FAM13C: variants seen among roughly 807,000 people sequenced by gnomAD.
FAM13C encodes family with sequence similarity 13 member C.
Under a neutral mutation model 73.2 loss-of-function variants are expected in FAM13C, and 37 were observed. The observed-to-expected ratio is 0.51, with a 90% CI of 0.39 to 0.67. The LOEUF (loss-of-function observed/expected upper bound fraction) is 0.67. Among genes scored for constraint, FAM13C ranks in the 30% least tolerant of loss-of-function variants. The pLI, the probability that FAM13C is intolerant of heterozygous loss-of-function variation, is 0.00. For missense variants in FAM13C, 589 were observed against 715.6 expected (o/e 0.82, Z 2.02); for synonymous variants, 246 against 260.9 (o/e 0.94, Z 0.55).
intron 3 of FAM13C, among the ~76,000 whole-genome samples, chr10:59,325,170 T>A (rs1336905909): frequency 1.3e-5 from 2 of 152,188 alleles, no homozygotes; most frequent in Non-Finnish European, 2.9e-5. Flanking sequence ...TTGGGTCTTC[T>A]GCTGCAATAT....
chr10:59,306,569 G>C (rs772627119), intron 4 of FAM13C, among the ~76,000 whole-genome samples: 5 of 152,128 alleles, frequency 3.3e-5, no homozygotes, highest in Non-Finnish European at 7.3e-5. Flanking sequence ...AGGGCAAAAG[G>C]GTTGACGTTA....
intron 3 of FAM13C, among the ~76,000 whole-genome samples, chr10:59,350,204 C>T (rs1042245132): frequency 1.3e-5 from 2 of 152,184 alleles, no homozygotes; most frequent in Non-Finnish European, 2.9e-5. Flanking sequence ...GTCCAGGATT[C>T]CAATGCTGTA....
chr10:59,265,335 G>GGGGGA (rs78422182), intron 8 of FAM13C, among the ~76,000 whole-genome samples: 1,377 of 15,972 alleles, frequency 0.086, 371 homozygotes, highest in East Asian at 0.15. Context: ...GGGGGGGGGG[G>GGGGGA]AATCCTGGTT....
At chr10:59,361,370 G>A (rs1012471382) in intron 1 of FAM13C, among the ~76,000 whole-genome samples, 2 of 152,168 alleles carry the variant, frequency 1.3e-5, no homozygotes, top group Non-Finnish European at 2.9e-5. Context: ...GATAGTGGCA[G>A]GACTTGGAAG....
chr10:59,301,902 G>C (rs552814422), intron 5 of FAM13C, among the ~76,000 whole-genome samples: 50 of 152,194 alleles, frequency 3.3e-4, no homozygotes, highest in Non-Finnish European at 6.6e-4. Context: ...TTTCTACCAA[G>C]TTCTACCAAA....
intron 4 of FAM13C, 79 bp from the exon 5 acceptor site, chr10:59,302,943 T>A: frequency 7.5e-7 from 1 of 1,339,542 alleles, no homozygotes; most frequent in Non-Finnish European, 1.1e-6. Flanking sequence ...TGGCTACAAA[T>A]CTGGCTGTAC....
chr10:59,352,506 C>A (rs1339525003), intron 2 of FAM13C, 32 bp from the exon 3 acceptor site: 1 of 1,541,278 alleles, frequency 6.5e-7, no homozygotes, highest in African/African-American at 1.4e-5. Flanking sequence ...TTAGAAAGTA[C>A]CTTAAAAAAA....
At chr10:59,276,278 A>C (rs1193499076) in intron 6 of FAM13C, among the ~76,000 whole-genome samples, 7 of 152,184 alleles carry the variant, frequency 4.6e-5, no homozygotes, top group Non-Finnish European at 1.0e-4. Context: ...CAATCCCTGG[A>C]AGTAGTTAGA....
At chr10:59,321,521 T>G (rs1161567411) in intron 4 of FAM13C, among the ~76,000 whole-genome samples, 1 of 150,012 alleles carries the variant, frequency 6.7e-6, no homozygotes, top group African/African-American at 2.5e-5. Flanking sequence ...AAATTTGTGT[T>G]TAAAGCCACA....
intron 10 of FAM13C, among the ~76,000 whole-genome samples, chr10:59,261,969 C>T (rs886584107): frequency 2.6e-5 from 4 of 152,092 alleles, no homozygotes; most frequent in African/African-American, 9.7e-5. Context: ...CAACTTAACT[C>T]TCCCAAAAAA....
At chr10:59,251,822 C>T in intron 12 of FAM13C, 146 bp from the exon 13 acceptor site, 1 of 602,704 alleles carries the variant, frequency 1.7e-6, no homozygotes, top group Non-Finnish European at 2.8e-6. Flanking sequence ...ATATGACACA[C>T]ATAGAGCCTG....
chr10:59,323,177 A>G (rs955305690), intron 4 of FAM13C: 1 of 152,274 alleles, frequency 6.6e-6, no homozygotes, highest in Non-Finnish European at 1.5e-5. Context: ...AGTGAGGGCT[A>G]TGATTACACT....
chr10:59,253,145 C>G, intron 11 of FAM13C, 147 bp from the exon 12 acceptor site: 1 of 721,158 alleles, frequency 1.4e-6, no homozygotes, highest in Non-Finnish European at 2.3e-6. Flanking sequence ...TGGAAGAAAC[C>G]AAGAGGAGCT....
chr10:59,345,926 A>G (rs1854235794), intron 3 of FAM13C, among the ~76,000 whole-genome samples: 1 of 152,212 alleles, frequency 6.6e-6, no homozygotes, highest in Admixed American at 6.5e-5. Flanking sequence ...ACTAAGACCA[A>G]TTTTTAGGAT....
chr10:59,283,811 G>A (rs1007448600), intron 5 of FAM13C: 21 of 479,272 alleles, frequency 4.4e-5, no homozygotes, highest in African/African-American at 1.5e-4. Context: ...TCTGCTTCCC[G>A]GGTGCTTGAG....
chr10:59,295,123 G>T (rs1213528365), intron 5 of FAM13C, among the ~76,000 whole-genome samples: 1 of 152,214 alleles, frequency 6.6e-6, no homozygotes, highest in African/African-American at 2.4e-5. Context: ...TTTAGAACTG[G>T]GAAGGAGAGA....
intron 6 of FAM13C, among the ~76,000 whole-genome samples, chr10:59,271,011 G>A (rs2133568090): frequency 6.6e-6 from 1 of 152,274 alleles, no homozygotes; most frequent in Non-Finnish European, 1.5e-5. Context: ...GCAGGCGACT[G>A]AGGCACAGCA....
intron 4 of FAM13C, among the ~76,000 whole-genome samples, 186 bp downstream of exon 4, chr10:59,323,802 C>T (rs763997889): frequency 5.3e-5 from 8 of 152,186 alleles, no homozygotes; most frequent in Admixed American, 2.0e-4. Context: ...GAAAGTAGGT[C>T]ATTTACATTT....
intron 6 of FAM13C, among the ~76,000 whole-genome samples, chr10:59,276,412 A>G (rs1372701215): frequency 6.6e-6 from 1 of 152,058 alleles, no homozygotes; most frequent in Non-Finnish European, 1.5e-5. Flanking sequence ...ACATTTATGG[A>G]GCATTTACCA....
Sources: allele counts gnomAD v4.1 joint callset (sites outside exome capture counted in the v4.1 genomes callset), GRCh38; gene constraint gnomAD v4.1.1; transcripts MANE v1.5; gene names NCBI Gene and HGNC (gene_info 2026-07-23, HGNC 2026-07-21).